ZNG1A: variants seen among roughly 807,000 people sequenced by gnomAD.
ZNG1A encodes zinc-regulated GTPase metalloprotein activator 1A.
At chr9:145,952 T>A in the ZNG1A span, 4 of 568,042 alleles carry the variant, frequency 7.0e-6, no homozygotes, top group Non-Finnish European at 1.2e-5. Flanking sequence ...TAGTAAAACT[T>A]CCAAGAATAT....
the ZNG1A span, among the ~76,000 whole-genome samples, chr9:157,259 T>C: frequency 6.8e-5 from 10 of 146,716 alleles, no homozygotes; most frequent in Admixed American, 2.7e-4. Context: ...GTAGTTTTCA[T>C]CTCTCTGGAG....
At chr9:178,367 G>T in the ZNG1A span, among the ~76,000 whole-genome samples, 6 of 151,806 alleles carry the variant, frequency 4.0e-5, no homozygotes, top group African/African-American at 1.5e-4. Flanking sequence ...GTGGGGAAGG[G>T]GAATCTACTG....
At chr9:142,456 G>A in the ZNG1A span, among the ~76,000 whole-genome samples, 10 of 112,214 alleles carry the variant, frequency 8.9e-5, no homozygotes, top group African/African-American at 3.4e-4. Context: ...GGTACATAAC[G>A]AAATGAAGGC....
At chr9:132,240 G>A in the ZNG1A span, among the ~76,000 whole-genome samples, 1 of 148,562 alleles carries the variant, frequency 6.7e-6, no homozygotes, top group African/African-American at 2.6e-5. Flanking sequence ...AAAATACATT[G>A]AGGCCGGGCA....
the ZNG1A span, chr9:178,876 C>A: frequency 1.7e-6 from 2 of 1,152,530 alleles, 1 homozygote; most frequent in Non-Finnish European, 2.5e-6. Context: ...TTTTCCTCCT[C>A]CTCGCTTTGC....
At chr9:174,071 C>G in the ZNG1A span, among the ~76,000 whole-genome samples, 1 of 150,234 alleles carries the variant, frequency 6.7e-6, no homozygotes, top group Non-Finnish European at 1.5e-5. Context: ...GGCGTGAACC[C>G]GGGAGGCGGA....
At chr9:153,802 G>GTATATATAT in the ZNG1A span, 3 of 149,308 alleles carry the variant, frequency 2.0e-5, no homozygotes, top group African/African-American at 7.4e-5. Flanking sequence ...TATATGAACT[G>GTATATATAT]AGATGACAGA....
the ZNG1A span, chr9:177,687 C>T: frequency 1.5e-6 from 2 of 1,315,356 alleles, no homozygotes; most frequent in Non-Finnish European, 2.1e-6. Context: ...CACTCCTGAG[C>T]TTCAGATCAT....
chr9:130,181 G>C, the ZNG1A span, among the ~76,000 whole-genome samples: 1 of 149,560 alleles, frequency 6.7e-6, no homozygotes, highest in Non-Finnish European at 1.5e-5. Context: ...TATTTTTATA[G>C]CATAAGGTAA....
At chr9:135,806 TG>T in the ZNG1A span, among the ~76,000 whole-genome samples, 1 of 113,366 alleles carries the variant, frequency 8.8e-6, no homozygotes, top group Admixed American at 9.5e-5. Context: ...TGAGTCTCTT[TG>T]GGGGGTCCTA....
At chr9:173,022 G>C in the ZNG1A span, 1 of 319,934 alleles carries the variant, frequency 3.1e-6, no homozygotes, top group African/African-American at 3.6e-5. Flanking sequence ...ATGCACTAGA[G>C]ATTAAATAAG....
At chr9:146,476 AAAG>A in the ZNG1A span, 1 of 232,638 alleles carries the variant, frequency 4.3e-6, no homozygotes, top group African/African-American at 2.5e-5. Context: ...AGATGAAACA[AAAG>A]AAATGACAAA....
At chr9:160,574 T>C in the ZNG1A span, among the ~76,000 whole-genome samples, 11 of 151,076 alleles carry the variant, frequency 7.3e-5, no homozygotes, top group African/African-American at 2.7e-4. Flanking sequence ...GTTTACTGTG[T>C]TTGCATTATT....
chr9:124,931 TCA>T, the ZNG1A span, among the ~76,000 whole-genome samples: 1 of 152,164 alleles, frequency 6.6e-6, no homozygotes, highest in African/African-American at 2.4e-5. Context: ...TGCATATATA[TCA>T]CAGTTACTTT....
chr9:161,904 T>C, the ZNG1A span, among the ~76,000 whole-genome samples: 1 of 151,534 alleles, frequency 6.6e-6, no homozygotes, highest in African/African-American at 2.4e-5. Flanking sequence ...CTTCAATATG[T>C]ACTTTTTAAA....
chr9:133,415 T>C, the ZNG1A span, among the ~76,000 whole-genome samples: 27 of 149,814 alleles, frequency 1.8e-4, no homozygotes, highest in Non-Finnish European at 3.8e-4. Context: ...AGGCTCATTA[T>C]ACCATTCTAC....
At chr9:133,834 G>T in the ZNG1A span, among the ~76,000 whole-genome samples, 1 of 151,866 alleles carries the variant, frequency 6.6e-6, no homozygotes, top group African/African-American at 2.4e-5. Flanking sequence ...TATACGTAAG[G>T]AACGTATAGA....
the ZNG1A span, among the ~76,000 whole-genome samples, chr9:174,749 T>C: frequency 4.6e-5 from 7 of 151,372 alleles, no homozygotes; most frequent in Non-Finnish European, 7.4e-5. Flanking sequence ...AATCGTTTAA[T>C]AGATATTGTT....
the ZNG1A span, chr9:172,779 C>A: frequency 1.2e-5 from 2 of 161,706 alleles, no homozygotes; most frequent in Admixed American, 1.2e-4. Flanking sequence ...TACAAGTAGT[C>A]ATTTTTATAA....
Sources: allele counts gnomAD v4.1 joint callset (sites outside exome capture counted in the v4.1 genomes callset), GRCh38; gene constraint gnomAD v4.1.1; transcripts MANE v1.5; gene names NCBI Gene and HGNC (gene_info 2026-07-23, HGNC 2026-07-21).